COG6: variants seen among roughly 807,000 people sequenced by gnomAD.
COG6 encodes the protein conserved oligomeric Golgi complex subunit 6.
COG6 carries 74 observed loss-of-function variants against 88.8 expected under a neutral mutation model. The ratio of observed to expected loss-of-function variants is 0.83; its 90% CI spans 0.69 to 1.01. The LOEUF (loss-of-function observed/expected upper bound fraction) is 1.01, where lower values mean the gene tolerates loss of function less well. COG6 is among the 50% of genes least tolerant of loss of function. COG6 has a pLI of 0.00. For missense variants in COG6, 800 were observed against 797.9 expected (o/e 1.00, Z -0.03); for synonymous variants, 286 against 278.7 (o/e 1.03, Z -0.26).
chr13:39,684,234 A>G lies in COG6; in HGVS notation c.788+1970A>G, dbSNP rs532992953. On this transcript the variant is annotated intron_variant, in intron 8 of 18. Transcript: ENST00000455146. ...TAAGAAGCAGGGGGCAGTAATGGCA[A>G]TTTGGAAGATTTTTTTTTTTTTTTT... Among the ~76,000 whole-genome samples the G allele has an allele frequency of 1.5e-3, 152 of 104,504 alleles. 1 individual carries two copies. The highest frequency in any genetic ancestry group is 5.1e-3 in the African/African-American group (146 of 28,558). 68.6% of individuals were successfully genotyped at this position (104,504 alleles called of 152,430 possible).
chr13:39,739,879 A>G (rs994345746), intron 18 of COG6, among the ~76,000 whole-genome samples: 3 of 152,298 alleles, frequency 2.0e-5, no homozygotes, highest in Non-Finnish European at 2.9e-5. Context: ...CAAGCAATTA[A>G]CAAACTAATA....
rs115952998 is a variant in COG6, at chr13:39,716,390, A to T, written c.1285-2846A>T. Among the ~76,000 whole-genome samples, 772 of 152,164 alleles carry T rather than the reference A, an allele frequency of 5.1e-3. 8 individuals carry two copies. Among genetic ancestry groups the T allele is most frequent in the African/African-American group, 0.018 (733 of 41,546 alleles). ...ACATCTAATTTATTTTTGTCTTAAAAGTGTGTCTCTTGAAGTTGGCATATA... is the reference window on the plus strand; with the variant it reads ...ACATCTAATTTATTTTTGTCTTAAATGTGTGTCTCTTGAAGTTGGCATATA... On this transcript the variant is annotated intron_variant, in intron 13 of 18. Coordinates refer to ENST00000455146, the MANE Select transcript of COG6 (RefSeq NM_020751.3).
At chr13:39,753,712 C>A (rs1157195710), downstream of COG6, among the ~76,000 whole-genome samples, 1 of 152,134 alleles carries the variant, frequency 6.6e-6, no homozygotes, top group East Asian at 1.9e-4. Context: ...TTAGATCCTT[C>A]TGTCTCTGGG....
chr13:39,746,914 G>A (rs1162399613), intron 18 of COG6, among the ~76,000 whole-genome samples: 2 of 152,084 alleles, frequency 1.3e-5, no homozygotes, highest in Non-Finnish European at 2.9e-5. Context: ...AATAATGTAT[G>A]TGTATGTATA....
intron 18 of COG6, among the ~76,000 whole-genome samples, chr13:39,776,916 T>C (rs1474145067): frequency 2.6e-5 from 4 of 152,222 alleles, no homozygotes; most frequent in South Asian, 2.1e-4. Flanking sequence ...TTTCTACGTG[T>C]CTTTTCTATT....
chr13:39,722,999 C>G (rs1878931286), intron 15 of COG6, among the ~76,000 whole-genome samples: 1 of 152,032 alleles, frequency 6.6e-6, no homozygotes, highest in African/African-American at 2.4e-5. Flanking sequence ...ACATCAGGCC[C>G]TTATCTCGGA....
chr13:39,673,835 T>C (rs1875795422), intron 4 of COG6, among the ~76,000 whole-genome samples: 1 of 151,976 alleles, frequency 6.6e-6, no homozygotes, highest in Non-Finnish European at 1.5e-5. Flanking sequence ...CTTTTTTCCC[T>C]TAATATTTTA....
intron 18 of COG6, among the ~76,000 whole-genome samples, chr13:39,735,157 T>C (rs1478159619): frequency 1.3e-5 from 2 of 152,114 alleles, no homozygotes; most frequent in African/African-American, 4.8e-5. Context: ...TTTCTTGTTG[T>C]TCTGTGATTT....
At chr13:39,728,410 C>CTT (rs946764342) in intron 18 of COG6, among the ~76,000 whole-genome samples, 27 of 151,092 alleles carry the variant, frequency 1.8e-4, no homozygotes, top group African/African-American at 6.3e-4. Flanking sequence ...AAAGAAGCAG[C>CTT]TTTTTAACTC....
chr13:39,695,665 C>T (rs1265217253), intron 12 of COG6, among the ~76,000 whole-genome samples: 1 of 151,604 alleles, frequency 6.6e-6, no homozygotes, highest in East Asian at 1.9e-4. Flanking sequence ...AGTAGCCACC[C>T]AGAACTTAAC....
intron 12 of COG6, among the ~76,000 whole-genome samples, chr13:39,697,600 A>G (rs1415879828): frequency 6.6e-6 from 1 of 151,890 alleles, no homozygotes; most frequent in East Asian, 1.9e-4. Flanking sequence ...TATTTAAGAG[A>G]ACTCAACATT....
chr13:39,667,783 T>C (rs377124327), intron 4 of COG6, among the ~76,000 whole-genome samples: 1 of 152,104 alleles, frequency 6.6e-6, no homozygotes, highest in Non-Finnish European at 1.5e-5. Context: ...AAAAATGATG[T>C]AGGGTTGAAA....
intron 15 of COG6, among the ~76,000 whole-genome samples, chr13:39,720,757 T>C (rs901858502): frequency 1.5e-4 from 23 of 152,118 alleles, no homozygotes; most frequent in African/African-American, 5.3e-4. Context: ...AACACTTACG[T>C]GTATTGCTAC....
At chr13:39,712,041 G>A (rs1249361512) in intron 13 of COG6, among the ~76,000 whole-genome samples, 1 of 152,030 alleles carries the variant, frequency 6.6e-6, no homozygotes, top group Admixed American at 6.6e-5. Flanking sequence ...TGTATTTTTA[G>A]TAGAGACGGG....
intron 18 of COG6, among the ~76,000 whole-genome samples, chr13:39,729,779 T>C (rs1879337040): frequency 1.3e-5 from 2 of 152,306 alleles, no homozygotes; most frequent in South Asian, 4.1e-4. Flanking sequence ...TATAAATTAG[T>C]ACAATCTTTT....
In COG6 at chr13:39,689,799, C is replaced by T. The variant is rs763817198; in HGVS notation, c.1049C>T (p.Thr350Ile). 6.2e-7 allele frequency: 1 copy of T among 1,609,960 alleles called. No homozygotes were observed. Among genetic ancestry groups the T allele is most frequent in the East Asian group, 2.2e-5 (1 of 44,674 alleles). ...ATTCAAGAAGTTGTTGGGCATATCA[C>T]TGAAGGTGTGTGCAGGCCTCTAAAG... is the stretch of plus-strand genomic sequence containing the variant. ...ENIQEVVGHI[T>I]EGVCRPLKVR... The change falls in exon 11 of 19, where the codon ACT becomes ATT. Residue 350 changes from threonine (T) to isoleucine (I), a missense_variant. Thr to Ile is a moderately conservative substitution (Grantham distance 89). Transcript: ENST00000455146.
intron 11 of COG6, among the ~76,000 whole-genome samples, chr13:39,692,849 C>T (rs1388697477): frequency 6.6e-6 from 1 of 151,992 alleles, no homozygotes; most frequent in Non-Finnish European, 1.5e-5. Context: ...GTGCCAGGGT[C>T]TGTTCCAACA....
chr13:39,745,953 A>G (rs1201270401), intron 18 of COG6, among the ~76,000 whole-genome samples: 3 of 152,120 alleles, frequency 2.0e-5, no homozygotes, highest in African/African-American at 7.2e-5. Flanking sequence ...TACTGCTGGA[A>G]ACCATCATTC....
chr13:39,724,916 G>A (rs556612933), intron 17 of COG6, among the ~76,000 whole-genome samples: 6 of 151,804 alleles, frequency 4.0e-5, no homozygotes, highest in African/African-American at 1.4e-4. Context: ...TTGATCCTTC[G>A]TTTAAAGTTC....
Sources: allele counts gnomAD v4.1 joint callset (sites outside exome capture counted in the v4.1 genomes callset), GRCh38; gene constraint gnomAD v4.1.1; transcripts MANE v1.5; gene names NCBI Gene and HGNC (gene_info 2026-07-23, HGNC 2026-07-21).